GADL1: variants seen among roughly 807,000 people sequenced by gnomAD.
The protein encoded by GADL1 is GAD like acidic amino acid decarboxylase 1.
A neutral mutation model predicts 69.5 loss-of-function variants in GADL1; 71 were observed. The ratio of observed to expected loss-of-function variants is 1.02; its 90% CI spans 0.84 to 1.25. GADL1 has a LOEUF of 1.25. Among genes scored for constraint, GADL1 ranks in the 50% most tolerant of loss-of-function variants. The pLI is 0.00. For missense variants in GADL1, 737 were observed against 631.8 expected (o/e 1.17, Z -1.79); for synonymous variants, 254 against 214.4 (o/e 1.18, Z -1.62).
At chr3:30,775,156 G>GTGCACATACT (rs1696506729) in intron 14 of GADL1, among the ~76,000 whole-genome samples, 1 of 152,146 alleles carries the variant, frequency 6.6e-6, no homozygotes, top group Admixed American at 6.5e-5. Context: ...TCTCACGTAC[G>GTGCACATACT]TGCACATACT....
intron 11 of GADL1, among the ~76,000 whole-genome samples, chr3:30,821,829 TCAA>T (rs574028700): frequency 1.3e-3 from 191 of 151,874 alleles, no homozygotes; most frequent in African/African-American, 4.2e-3. Flanking sequence ...GGCAAAACAA[TCAA>T]CAGCTGTTTG....
At chr3:30,754,948 A>G (rs1414065127) in intron 14 of GADL1, among the ~76,000 whole-genome samples, 1 of 152,130 alleles carries the variant, frequency 6.6e-6, no homozygotes, top group African/African-American at 2.4e-5. Context: ...TGAAAAACCA[A>G]GAGACTTTCA....
intron 11 of GADL1, among the ~76,000 whole-genome samples, chr3:30,816,571 C>T (rs1465216951): frequency 3.8e-5 from 2 of 52,362 alleles, no homozygotes; most frequent in African/African-American, 1.2e-4. Context: ...TTTTTTGAGA[C>T]AGTCTTGCTC....
At chr3:30,849,788 A>C (rs1698117890) in intron 6 of GADL1, among the ~76,000 whole-genome samples, 1 of 152,182 alleles carries the variant, frequency 6.6e-6, no homozygotes, top group Non-Finnish European at 1.5e-5. Flanking sequence ...CAGACTATAA[A>C]TTTTAAATAA....
chr3:30,733,529 G>A (rs1322849104), intron 14 of GADL1, among the ~76,000 whole-genome samples: 1 of 151,932 alleles, frequency 6.6e-6, no homozygotes, highest in Non-Finnish European at 1.5e-5. Context: ...AACTATCACT[G>A]AGACTTACAT....
chr3:30,889,520 G>A (rs1417878852), intron 1 of GADL1, among the ~76,000 whole-genome samples: 1 of 152,174 alleles, frequency 6.6e-6, no homozygotes, highest in Non-Finnish European at 1.5e-5. Context: ...AAAGCCAAAA[G>A]CAGAAATGAG....
At chr3:30,764,304 A>G (rs1003919841) in intron 14 of GADL1, among the ~76,000 whole-genome samples, 1 of 152,190 alleles carries the variant, frequency 6.6e-6, no homozygotes, top group Admixed American at 6.5e-5. Context: ...CTAAGACATG[A>G]TCTGATAGAT....
chr3:30,790,328 C>T (rs751148795), intron 12 of GADL1, among the ~76,000 whole-genome samples: 3 of 152,136 alleles, frequency 2.0e-5, no homozygotes, highest in Non-Finnish European at 2.9e-5. Context: ...CAATTTACAA[C>T]AGTAACATCA....
rs9827565 is a variant in GADL1, at chr3:30,851,717, T to C, written c.429-776A>G. Among the ~76,000 whole-genome samples the C allele has an allele frequency of 2.1e-3, 316 of 152,216 alleles. 1 individual carries two copies. Among genetic ancestry groups the C allele is most frequent in the African/African-American group, 7.3e-3 (304 of 41,546 alleles). On this transcript the variant is annotated intron_variant, in intron 4 of 14. Coordinates refer to ENST00000282538, the MANE Select transcript of GADL1 (RefSeq NM_207359.3). ...CCAGACCCCTCTTGAAGGGCCACTG[T>C]AGTTCCAGAGATCTCCGAGCGTCAG...
intron 8 of GADL1, 57 bp downstream of exon 8, chr3:30,844,153 G>A (rs566417915): frequency 1.3e-5 from 17 of 1,348,348 alleles, no homozygotes; most frequent in South Asian, 2.6e-5. Context: ...TCATAAGCGC[G>A]CGGGCGTGCG....
chr3:30,780,477 A>G (rs958571549), intron 13 of GADL1, among the ~76,000 whole-genome samples: 4 of 152,150 alleles, frequency 2.6e-5, no homozygotes, highest in Non-Finnish European at 4.4e-5. Context: ...ATTCTCTATG[A>G]GGCAATCCTC....
chr3:30,804,824 A>AT (rs1697224039), intron 11 of GADL1, among the ~76,000 whole-genome samples: 1 of 152,148 alleles, frequency 6.6e-6, no homozygotes, highest in African/African-American at 2.4e-5. Flanking sequence ...TTTCTTTAAC[A>AT]TTACCCATGT....
chr3:30,752,265 A>G (rs1695840540), intron 14 of GADL1, among the ~76,000 whole-genome samples: 1 of 152,200 alleles, frequency 6.6e-6, no homozygotes, highest in Admixed American at 6.5e-5. Context: ...ACCGAGCACT[A>G]GCACAGGCTG....
chr3:30,754,897 T>C (rs988107621), intron 14 of GADL1, among the ~76,000 whole-genome samples: 8 of 140,884 alleles, frequency 5.7e-5, no homozygotes, highest in Non-Finnish European at 1.1e-4. Flanking sequence ...TGGGTAGGAT[T>C]TTTAAATTAT....
At chr3:30,763,507 C>CGG (rs1199881775) in intron 14 of GADL1, among the ~76,000 whole-genome samples, 4 of 6,262 alleles carry the variant, frequency 6.4e-4, no homozygotes, top group Non-Finnish European at 1.1e-3. Context: ...GTCTCGGCGG[C>CGG]GGGGGGTGGG....
chr3:30,859,488 A>G (rs1391506910), intron 2 of GADL1, among the ~76,000 whole-genome samples: 2 of 151,876 alleles, frequency 1.3e-5, no homozygotes, highest in African/African-American at 4.8e-5. Context: ...AAAGAAAATC[A>G]GTGGTTTCAG....
intron 14 of GADL1, among the ~76,000 whole-genome samples, chr3:30,773,991 C>A (rs959613600): frequency 6.6e-6 from 1 of 152,092 alleles, no homozygotes; most frequent in African/African-American, 2.4e-5. Context: ...TCCAGTGTTT[C>A]CTAACTCCTC....
At chr3:30,797,670 GTTTT>G (rs140124139) in intron 12 of GADL1, 3 of 147,854 alleles carry the variant, frequency 2.0e-5, no homozygotes, top group Non-Finnish European at 3.0e-5. Context: ...TTTTGTTTTT[GTTTT>G]TTTTTTGTTT....
intron 8 of GADL1, 35 bp downstream of exon 8, chr3:30,844,175 A>T: frequency 6.4e-7 from 1 of 1,572,690 alleles, no homozygotes; most frequent in Non-Finnish European, 8.7e-7. Flanking sequence ...GCACACACAC[A>T]CGTTCTCTCT....
Sources: allele counts gnomAD v4.1 joint callset (sites outside exome capture counted in the v4.1 genomes callset), GRCh38; gene constraint gnomAD v4.1.1; transcripts MANE v1.5; gene names NCBI Gene and HGNC (gene_info 2026-07-23, HGNC 2026-07-21).